RBFOX1: variants seen among roughly 807,000 people sequenced by gnomAD.
RBFOX1 encodes RNA binding fox-1 homolog 1, also known as RNA binding protein fox-1 homolog 1.
In RBFOX1, 8 loss-of-function variants were observed where a neutral mutation model predicts 57.7. The ratio of observed to expected loss-of-function variants is 0.14; its 90% CI spans 0.08 to 0.25. The LOEUF (loss-of-function observed/expected upper bound fraction) is 0.25. RBFOX1 is among the 10% of genes least tolerant of loss of function. The pLI is 1.00. For synonymous variants in RBFOX1, 326 were observed against 222.4 expected (o/e 1.47, Z -4.15); for missense variants, 611 against 548.5 (o/e 1.11, Z -1.14).
chr16:5,411,289 T>C (rs1178676369), intron 1 of RBFOX1, among the ~76,000 whole-genome samples: 1 of 152,204 alleles, frequency 6.6e-6, no homozygotes, highest in Admixed American at 6.5e-5. Context: ...CTGGATTACC[T>C]GGGTGAGTGC....
chr16:5,730,543 A>G (rs1019181948), intron 3 of RBFOX1, among the ~76,000 whole-genome samples: 71 of 152,138 alleles, frequency 4.7e-4, no homozygotes, highest in African/African-American at 1.4e-3. Context: ...GAATAATACT[A>G]ATAATCATCA....
chr16:7,669,866 C>A (rs757304757), intron 13 of RBFOX1, among the ~76,000 whole-genome samples: 1 of 152,088 alleles, frequency 6.6e-6, no homozygotes, highest in Non-Finnish European at 1.5e-5. Flanking sequence ...TTTGACTTGC[C>A]GTCCGCAGTC....
chr16:6,660,317 G>A (rs925190532), intron 3 of RBFOX1, among the ~76,000 whole-genome samples: 2 of 151,800 alleles, frequency 1.3e-5, no homozygotes, highest in African/African-American at 4.8e-5. Flanking sequence ...GTGATGGATT[G>A]ATAGGTGCAG....
At position 7,023,789 on chromosome 16, in the gene RBFOX1, A is replaced by G. The variant is rs972442049; in HGVS notation, c.-15-28268A>G. ...CACTTAGCTCAAATACAGCCTCGGCATCCTTCTGAACACTCTGGAGTAGGC... is the reference window on the plus strand; with the variant it reads ...CACTTAGCTCAAATACAGCCTCGGCGTCCTTCTGAACACTCTGGAGTAGGC... On this transcript the variant is annotated intron_variant, in intron 3 of 15. Transcript: ENST00000550418. Among the ~76,000 whole-genome samples, 4 of 152,176 alleles carry G rather than the reference A, an allele frequency of 2.6e-5. No homozygotes were observed. In the East Asian group the frequency reaches 7.8e-4, roughly 30 times the overall value.
intron 4 of RBFOX1, among the ~76,000 whole-genome samples, chr16:7,136,687 G>A (rs1457974650): frequency 6.6e-6 from 1 of 152,130 alleles, no homozygotes; most frequent in East Asian, 1.9e-4. Flanking sequence ...AAAGTGTTGG[G>A]ATTACGGGTG....
chr16:5,368,521 G>A (rs1408730996), intron 1 of RBFOX1, among the ~76,000 whole-genome samples: 2 of 152,156 alleles, frequency 1.3e-5, no homozygotes, highest in Admixed American at 1.3e-4. Flanking sequence ...ATGAAAGTAT[G>A]TTTCTTTCAT....
At chr16:7,259,780 G>A (rs1026590927) in intron 4 of RBFOX1, among the ~76,000 whole-genome samples, 2 of 152,032 alleles carry the variant, frequency 1.3e-5, no homozygotes, top group African/African-American at 2.4e-5. Flanking sequence ...TTGGGAGGGA[G>A]GGAAATGTTT....
chr16:5,380,471 A>C (rs1315970309), intron 1 of RBFOX1, among the ~76,000 whole-genome samples: 1 of 152,184 alleles, frequency 6.6e-6, no homozygotes, highest in African/African-American at 2.4e-5. Flanking sequence ...CTAAATGTGC[A>C]CTTGTACTTG....
intron 3 of RBFOX1, among the ~76,000 whole-genome samples, chr16:5,865,766 A>T (rs1489809989): frequency 1.3e-5 from 2 of 152,166 alleles, no homozygotes; most frequent in African/African-American, 4.8e-5. Context: ...ACAGGAATAT[A>T]TTTCTCATAC....
chr16:7,346,913 A>G (rs1394342858), intron 4 of RBFOX1, among the ~76,000 whole-genome samples: 1 of 152,088 alleles, frequency 6.6e-6, no homozygotes, highest in African/African-American at 2.4e-5. Flanking sequence ...AAAAAACGAG[A>G]GGGGCAGCAT....
intron 5 of RBFOX1, among the ~76,000 whole-genome samples, chr16:7,547,773 C>T (rs2085017322): frequency 6.6e-6 from 1 of 152,194 alleles, no homozygotes; most frequent in Non-Finnish European, 1.5e-5. Flanking sequence ...TAGTTCTTTG[C>T]TATTGTTCTG....
chr16:6,130,434 A>G (rs1341918169), intron 1 of RBFOX1, among the ~76,000 whole-genome samples: 2 of 152,154 alleles, frequency 1.3e-5, no homozygotes, highest in African/African-American at 2.4e-5. Flanking sequence ...TGCAAAAAGG[A>G]TTTGCTTAAT....
At chr16:6,012,059 C>T (rs973223692) in intron 4 of RBFOX1, among the ~76,000 whole-genome samples, 62 of 152,198 alleles carry the variant, frequency 4.1e-4, no homozygotes, top group African/African-American at 1.4e-3. Context: ...CCAGGCACAA[C>T]GGTGAGAAAT....
At chr16:7,071,666 C>CAT (rs200231747) in intron 4 of RBFOX1, among the ~76,000 whole-genome samples, 1,557 of 150,642 alleles carry the variant, frequency 0.01, 30 homozygotes, top group African/African-American at 0.036. Context: ...TACATACATA[C>CAT]ATATATATAT....
At chr16:6,973,930 C>A (rs188037649) in intron 3 of RBFOX1, among the ~76,000 whole-genome samples, 1 of 152,114 alleles carries the variant, frequency 6.6e-6, no homozygotes, top group Non-Finnish European at 1.5e-5. Context: ...ATGCTCGTCC[C>A]CTCCATCTCC....
intron 2 of RBFOX1, among the ~76,000 whole-genome samples, chr16:5,500,212 A>ATTCCG (rs113875675): frequency 0.23 from 30,646 of 134,242 alleles, 5,300 homozygotes; most frequent in African/African-American, 0.52. Context: ...ATTCCATTGC[A>ATTCCG]TTCCGTTCCG....
At position 5,377,739 on chromosome 16, in the gene RBFOX1, G is replaced by C. The variant is rs139038228; in HGVS notation, c.220-89477G>C. ...GGAGAGGGAGCCTGTAAGACAGAACGTCTGTCTCCACACTTGTCAACAAGT... is the reference window on the plus strand; with the variant it reads ...GGAGAGGGAGCCTGTAAGACAGAACCTCTGTCTCCACACTTGTCAACAAGT... On this transcript the variant is annotated intron_variant, in intron 1 of 2. Coordinates refer to the RBFOX1 transcript ENST00000585867. Among the ~76,000 whole-genome samples the C allele has an allele frequency of 1.5e-4, 23 of 151,448 alleles. 1 individual carries two copies. The highest frequency in any genetic ancestry group is 5.6e-4 in the African/African-American group (23 of 40,780).
chr16:6,370,362 G>GAAA (rs71145221), intron 2 of RBFOX1, among the ~76,000 whole-genome samples: 8 of 81,976 alleles, frequency 9.8e-5, no homozygotes, highest in Admixed American at 1.9e-4. Flanking sequence ...CGTCTCAAAA[G>GAAA]AAAAAAAAAA....
intron 1 of RBFOX1, among the ~76,000 whole-genome samples, chr16:6,274,418 A>G (rs1183788004): frequency 1.3e-5 from 2 of 152,214 alleles, no homozygotes; most frequent in Non-Finnish European, 2.9e-5. Flanking sequence ...AACAGCCTGA[A>G]TGAATCTCCA....
Sources: allele counts gnomAD v4.1 joint callset (sites outside exome capture counted in the v4.1 genomes callset), GRCh38; gene constraint gnomAD v4.1.1; transcripts MANE v1.5; gene names NCBI Gene and HGNC (gene_info 2026-07-23, HGNC 2026-07-21).